BBOX1: variants seen among roughly 807,000 people sequenced by gnomAD.
BBOX1 encodes the protein gamma-butyrobetaine hydroxylase 1.
Under a neutral mutation model 41.6 loss-of-function variants are expected in BBOX1, and 35 were observed. The observed-to-expected ratio is 0.84, with a 90% CI of 0.64 to 1.11. The LOEUF (loss-of-function observed/expected upper bound fraction) is 1.11, where lower values mean the gene tolerates loss of function less well. Ranked by LOEUF, BBOX1 falls within the 50% of genes most tolerant of loss-of-function variation. The pLI is 0.00. For synonymous variants in BBOX1, 163 were observed against 154.7 expected (o/e 1.05, Z -0.40); for missense variants, 458 against 460.6 (o/e 0.99, Z 0.05).
At chr11:27,069,533 T>A (rs1188292992) in intron 4 of BBOX1, among the ~76,000 whole-genome samples, 1 of 152,088 alleles carries the variant, frequency 6.6e-6, no homozygotes, top group Non-Finnish European at 1.5e-5. Context: ...ATAATTTGAC[T>A]TCCTCTTTTC....
intron 5 of BBOX1, among the ~76,000 whole-genome samples, chr11:27,095,758 T>G (rs774148643): frequency 4.6e-5 from 7 of 152,044 alleles, no homozygotes; most frequent in African/African-American, 9.7e-5. Flanking sequence ...TTTTATTTGC[T>G]TTTTTGTTTT....
intron 4 of BBOX1, 95 bp from the exon 5 acceptor site, chr11:27,093,073 A>G (rs761974318): frequency 2.8e-4 from 335 of 1,198,086 alleles, no homozygotes; most frequent in Non-Finnish European, 3.7e-4. Flanking sequence ...ATAAATCAAC[A>G]ATCAACTTTA....
At chr11:27,057,607 G>A (rs1353240705) in intron 4 of BBOX1, among the ~76,000 whole-genome samples, 1 of 152,158 alleles carries the variant, frequency 6.6e-6, no homozygotes, top group East Asian at 1.9e-4. Flanking sequence ...CACTCCGTAA[G>A]TGTTCACTAC....
At chr11:27,047,249 T>C (rs1832257663) in intron 2 of BBOX1, 1 of 152,192 alleles carries the variant, frequency 6.6e-6, no homozygotes, top group African/African-American at 2.4e-5. Flanking sequence ...CAAAATGGGT[T>C]GGAAAGAATG....
intron 5 of BBOX1, among the ~76,000 whole-genome samples, chr11:27,104,278 T>C (rs973055337): frequency 6.6e-6 from 1 of 152,170 alleles, no homozygotes; most frequent in Admixed American, 6.5e-5. Context: ...GATTTGGGAA[T>C]GTTTTAGATC....
intron 4 of BBOX1, among the ~76,000 whole-genome samples, chr11:27,069,385 G>GGT (rs34420345): frequency 0.41 from 62,544 of 151,720 alleles, 13,515 homozygotes; most frequent in African/African-American, 0.56. Flanking sequence ...GGTTATTGTT[G>GGT]GTATAGTAGT....
intron 4 of BBOX1, among the ~76,000 whole-genome samples, chr11:27,073,047 AG>A (rs1313848951): frequency 1.3e-5 from 2 of 152,206 alleles, no homozygotes; most frequent in Non-Finnish European, 2.9e-5. Context: ...TGGCAACAAA[AG>A]CCAAAATTGA....
chr11:27,045,285 C>T (rs1049492096), intron 2 of BBOX1, among the ~76,000 whole-genome samples: 11 of 152,024 alleles, frequency 7.2e-5, no homozygotes, highest in East Asian at 1.9e-4. Flanking sequence ...TTTTGTATCC[C>T]GAGACTTTGC....
intron 4 of BBOX1, among the ~76,000 whole-genome samples, chr11:27,062,462 A>C: frequency 6.6e-6 from 1 of 152,154 alleles, no homozygotes; most frequent in East Asian, 1.9e-4. Flanking sequence ...TCATTTTTTC[A>C]TCTGTATTTT....
At chr11:27,099,958 G>A (rs570487111) in intron 5 of BBOX1, among the ~76,000 whole-genome samples, 1 of 152,182 alleles carries the variant, frequency 6.6e-6, no homozygotes, top group African/African-American at 2.4e-5. Context: ...GTGAGTTGTT[G>A]ATCTAATCCA....
At chr11:27,058,042 T>C (rs1490893813) in intron 4 of BBOX1, among the ~76,000 whole-genome samples, 1 of 152,144 alleles carries the variant, frequency 6.6e-6, no homozygotes, top group Non-Finnish European at 1.5e-5. Context: ...GAGGAACTGG[T>C]AAGGAGTAAG....
At chr11:27,058,245 G>T (rs1471001898) in intron 4 of BBOX1, among the ~76,000 whole-genome samples, 7 of 152,236 alleles carry the variant, frequency 4.6e-5, no homozygotes, top group African/African-American at 1.7e-4. Context: ...ATGATTGTAA[G>T]TTCCTGAAGC....
At chr11:27,091,616 A>G (rs1858247475) in intron 4 of BBOX1, among the ~76,000 whole-genome samples, 1 of 151,900 alleles carries the variant, frequency 6.6e-6, no homozygotes, top group Non-Finnish European at 1.5e-5. Context: ...GTTTTCTCAA[A>G]TATCAGAAGC....
chr11:27,043,538 A>C (rs995633674), intron 2 of BBOX1, among the ~76,000 whole-genome samples: 4 of 148,460 alleles, frequency 2.7e-5, no homozygotes, highest in Admixed American at 6.7e-5. Flanking sequence ...AATACCCTTT[A>C]TTTCTTTCTC....
chr11:27,084,477 T>C (rs1456692019), intron 4 of BBOX1, among the ~76,000 whole-genome samples: 6 of 152,094 alleles, frequency 3.9e-5, no homozygotes, highest in Non-Finnish European at 7.4e-5. Context: ...AGGATCTCCA[T>C]AGTGCACGAG....
In BBOX1 at chr11:27,097,898, A is replaced by G. The variant is rs572109190; in HGVS notation, c.533+4532A>G. On this transcript the variant is annotated intron_variant, in intron 5 of 8. Transcript: ENST00000263182. ...AATATAAATTTAATTAAGATTATGC[A>G]ATGTCGTGCAGCCCTTCCTCCCCAT... Among the ~76,000 whole-genome samples the G allele has an allele frequency of 2.4e-4, 36 of 152,118 alleles. No individual in the cohort carries two copies. In the South Asian group the frequency reaches 7.0e-3, roughly 30 times the overall value.
At chr11:27,108,104 G>T (rs906793034) in intron 5 of BBOX1, among the ~76,000 whole-genome samples, 1 of 152,022 alleles carries the variant, frequency 6.6e-6, no homozygotes, top group African/African-American at 2.4e-5. Flanking sequence ...ACACTCTAGG[G>T]CTAATAAATG....
rs1399933262 is a variant in BBOX1 at position 27,064,920 on chromosome 11, A to G, written c.334+7605A>G. ...GTGTCAGACATGAAAAAAAAAAACA[A>G]CAAAAAAAACATCTCAAAGGCCCAT... On this transcript the variant is annotated intron_variant, in intron 4 of 8. Transcript: ENST00000263182. Among the ~76,000 whole-genome samples, 4 of 150,542 alleles carry G rather than the reference A, an allele frequency of 2.7e-5. 1 individual carries two copies. The highest frequency in any genetic ancestry group is 4.4e-5 in the Non-Finnish European group (3 of 67,542).
chr11:27,060,644 G>T (rs1480849489), intron 4 of BBOX1, among the ~76,000 whole-genome samples: 4 of 152,112 alleles, frequency 2.6e-5, no homozygotes, highest in Admixed American at 2.0e-4. Flanking sequence ...ACTTTACTAG[G>T]TATGAAGATG....
Sources: gnomAD v4.1 joint callset for allele counts (sites outside exome capture counted in the v4.1 genomes callset) on GRCh38, gnomAD v4.1.1 for gene constraint, MANE v1.5 for transcripts, NCBI Gene and HGNC (gene_info 2026-07-23, HGNC 2026-07-21) for gene names.